Variants in EIF2B1 observed in about 807,000 individuals in gnomAD.
EIF2B1 encodes the protein translation initiation factor eIF2B subunit alpha.
Under a neutral mutation model 36.8 loss-of-function variants are expected in EIF2B1, and 30 were observed. That is an observed-to-expected ratio of 0.81 (90% confidence interval 0.61 to 1.10). EIF2B1 has a LOEUF of 1.10. Ranked by LOEUF, EIF2B1 falls within the 50% of genes least tolerant of loss-of-function variation. The probability of loss-of-function intolerance (pLI) is 0.00; values close to 1 mark genes in which losing one functional copy is unlikely to be tolerated. For synonymous variants in EIF2B1, 139 were observed against 142.2 expected (o/e 0.98, Z 0.16); for missense variants, 271 against 374.8 (o/e 0.72, Z 2.29).
intron 4 of EIF2B1, among the ~76,000 whole-genome samples, chr12:123,629,391 T>C (rs1424640325): frequency 6.6e-6 from 1 of 152,210 alleles, no homozygotes; most frequent in Non-Finnish European, 1.5e-5. Context: ...ATTGCTAACC[T>C]TCACTAAGAA....
At position 123,624,824 on chromosome 12, in the gene EIF2B1, GCA is replaced by G. The variant is rs768945314; in HGVS notation, c.588_589del (p.Ala197Ter). On this transcript the variant is annotated frameshift_variant, in exon 7 of 9. Transcript: ENST00000424014. LOFTEE classifies it high-confidence loss of function. ...TCCTCCGTTTTCAACAACTCCTTCA[GCA>G]CCAACTATGACAAGATCTGCTTTCT... 8.1e-6 allele frequency: 13 copies of G among 1,613,974 alleles called. No homozygotes were observed. The highest frequency in any genetic ancestry group is 3.3e-5 in the South Asian group (3 of 91,076).
intron 6 of EIF2B1, 136 bp downstream of exon 6, chr12:123,626,289 G>T: frequency 1.0e-6 from 1 of 969,784 alleles, no homozygotes; most frequent in Non-Finnish European, 1.6e-6. Flanking sequence ...GCTGGTTTAG[G>T]GCAGCTATTA....
chr12:123,623,032 T>C (rs752598655), intron 7 of EIF2B1, among the ~76,000 whole-genome samples: 2 of 152,150 alleles, frequency 1.3e-5, no homozygotes, highest in Non-Finnish European at 2.9e-5. Context: ...ATATTAGATA[T>C]ATCTAATTCT....
Position 123,630,746 on chromosome 12 carries a change from A to G in EIF2B1, c.116-213T>C, listed in dbSNP as rs1955181512. Among the ~76,000 whole-genome samples, 1 of 152,258 alleles carries G rather than the reference A, an allele frequency of 6.6e-6. No homozygotes were observed. Among genetic ancestry groups the G allele is most frequent in the Non-Finnish European group, 1.5e-5 (1 of 68,052 alleles). On this transcript the variant is annotated intron_variant, in intron 2 of 8. Transcript: ENST00000424014. The surrounding 1 kb of genome is among the most constrained non-coding windows in gnomAD (Gnocchi z 4.6). ...TAATAGAGGAAGCGGATAGTAAACA[A>G]GCACACATAGAAATAAAGCTGGGTG...
Position 123,633,603 on chromosome 12 carries a change from C to A in EIF2B1, c.-46G>T, listed in dbSNP as rs770588351. ...CCCCAGGGGACCCGAGCCGCCCGCG[C>A]TGTCTCGAACGGGTCCGCCGGCCGC... On this transcript the variant is annotated 5_prime_UTR_variant, in exon 1 of 9. Coordinates refer to ENST00000424014, the MANE Select transcript of EIF2B1 (RefSeq NM_001414.4). 2 of 1,603,770 alleles carry A rather than the reference C, an allele frequency of 1.2e-6. No individual in the cohort carries two copies. The highest frequency in any genetic ancestry group is 1.7e-6 in the Non-Finnish European group (2 of 1,179,710).
At chr12:123,622,817 C>T in intron 7 of EIF2B1, 56 bp from the exon 8 acceptor site, 1 of 1,608,768 alleles carries the variant, frequency 6.2e-7, no homozygotes, top group South Asian at 1.1e-5. Flanking sequence ...AAGTAGAAGC[C>T]ACAGAAAAGC....
At chr12:123,624,931 G>T in intron 6 of EIF2B1, 69 bp from the exon 7 acceptor site, 1 of 1,382,712 alleles carries the variant, frequency 7.2e-7, no homozygotes, top group Non-Finnish European at 1.0e-6. Context: ...CATCTGCAAA[G>T]ATCAATATTC....
intron 5 of EIF2B1, 82 bp downstream of exon 5, chr12:123,626,962 G>A (rs540861256): frequency 7.8e-7 from 1 of 1,282,376 alleles, no homozygotes; most frequent in Non-Finnish European, 1.1e-6. Flanking sequence ...GCACATTCTG[G>A]TTCTGATCCT....
At chr12:123,623,541 C>T (rs1196955753) in intron 7 of EIF2B1, among the ~76,000 whole-genome samples, 3 of 152,088 alleles carry the variant, frequency 2.0e-5, no homozygotes, top group Non-Finnish European at 2.9e-5. Context: ...TGACTCAACA[C>T]TCTGCCTGCA....
intron 4 of EIF2B1, among the ~76,000 whole-genome samples, chr12:123,629,768 G>C (rs2135765874): frequency 6.6e-6 from 1 of 152,264 alleles, no homozygotes; most frequent in African/African-American, 2.4e-5. Context: ...ACTCCAGCCT[G>C]GGTGACAGAG....
chr12:123,626,990 A>G, intron 5 of EIF2B1, 54 bp downstream of exon 5: 1 of 1,518,672 alleles, frequency 6.6e-7, no homozygotes, highest in Non-Finnish European at 9.1e-7. Flanking sequence ...TGTAATCCGC[A>G]GTTTGCTCTG....
intron 2 of EIF2B1, among the ~76,000 whole-genome samples, chr12:123,631,574 C>T (rs1276084627): frequency 4.0e-5 from 6 of 151,890 alleles, no homozygotes; most frequent in Admixed American, 1.3e-4. Context: ...TTTGGGAGGC[C>T]GACATGGGCG....
rs1955151102 is a variant in EIF2B1 at position 123,626,663 on chromosome 12, G to T, written c.483-170C>A. 5.1e-6 allele frequency: 4 copies of T among 780,022 alleles called. No individual in the cohort carries two copies. The African/African-American group carries it at 6.9e-5, about 13-fold the overall frequency. 48.3% of individuals were successfully genotyped at this position (780,022 alleles called of 1,614,324 possible). The stretch of plus-strand genomic sequence containing the variant: ...AGGAAACAAGAATTTGAGTTCTTTA[G>T]AAAGAAGTATTTTTGGAAAACTATA... On this transcript the variant is annotated intron_variant, in intron 5 of 8. Coordinates refer to ENST00000424014, the MANE Select transcript of EIF2B1 (RefSeq NM_001414.4).
chr12:123,624,112 T>C, intron 7 of EIF2B1, among the ~76,000 whole-genome samples: 1 of 148,914 alleles, frequency 6.7e-6, no homozygotes, highest in East Asian at 2.0e-4. Flanking sequence ...AATATATAAA[T>C]AATATTTTAA....
At chr12:123,623,276 C>T (rs1955122100) in intron 7 of EIF2B1, among the ~76,000 whole-genome samples, 2 of 151,876 alleles carry the variant, frequency 1.3e-5, no homozygotes, top group South Asian at 4.2e-4. Context: ...ATCCCAGCTA[C>T]TAGGGAGGCT....
chr12:123,628,351 C>CTTTTT (rs958119194), intron 4 of EIF2B1, among the ~76,000 whole-genome samples: 44 of 74,962 alleles, frequency 5.9e-4, no homozygotes, highest in East Asian at 7.9e-4. Context: ...CCCATAACCT[C>CTTTTT]TTTTTTTTTT....
intron 7 of EIF2B1, among the ~76,000 whole-genome samples, chr12:123,623,182 A>G (rs1242677883): frequency 6.6e-6 from 1 of 152,030 alleles, no homozygotes; most frequent in African/African-American, 2.4e-5. Context: ...GGAGTTTGAG[A>G]CCAGCTGGCC....
chr12:123,632,902 C>A (rs1292128221), intron 1 of EIF2B1, among the ~76,000 whole-genome samples: 1 of 146,122 alleles, frequency 6.8e-6, no homozygotes, highest in African/African-American at 2.6e-5. Flanking sequence ...GCCGAGACTG[C>A]GCCACTGCAC....
rs1211144842 is a variant in EIF2B1, at chr12:123,627,146, G to A, written c.380C>T (p.Thr127Ile). The part of the protein sequence containing the change: ...TFIKDGATIL[T>I]HAYSRVVLRV... Reference sequence around the variant, plus strand: ...CAGGACCACTCTGGAGTAGGCGTGAGTCAATATTGTCTGTGGACCGAGAAA... The same window carrying A: ...CAGGACCACTCTGGAGTAGGCGTGAATCAATATTGTCTGTGGACCGAGAAA... The change falls in exon 5 of 9, where the codon ACT becomes ATT. Residue 127 changes from threonine to isoleucine, a missense_variant. Thr to Ile is a moderately conservative substitution (Grantham distance 89). Coordinates refer to ENST00000424014, the MANE Select transcript of EIF2B1 (RefSeq NM_001414.4). 6.2e-7 allele frequency: 1 copy of A among 1,613,866 alleles called. No homozygotes were observed. The highest frequency in any genetic ancestry group is 2.2e-5 in the East Asian group (1 of 44,894).
Sources: gnomAD v4.1 joint callset for allele counts (sites outside exome capture counted in the v4.1 genomes callset) on GRCh38, gnomAD v4.1.1 for gene constraint, Gnocchi (gnomAD v3.1) non-coding constraint, MANE v1.5 for transcripts, NCBI Gene and HGNC (gene_info 2026-07-23, HGNC 2026-07-21) for gene names.